Variants in CEP57L1 observed in about 807,000 individuals in gnomAD.
CEP57L1 encodes the protein centrosomal protein 57 like 1.
In CEP57L1, 37 loss-of-function variants were observed where a neutral mutation model predicts 61.0. The observed-to-expected ratio is 0.61, with a 90% CI of 0.47 to 0.80. CEP57L1 has a LOEUF of 0.80. Among genes scored for constraint, CEP57L1 ranks in the 30% least tolerant of loss-of-function variants. CEP57L1 has a pLI of 0.00. For synonymous variants in CEP57L1, 137 were observed against 162.3 expected, an observed-to-expected ratio of 0.84 and a Z score of 1.19; for missense variants, 422 against 524.7, an observed-to-expected ratio of 0.80 and a Z score of 1.91.
chr6:109,097,186 A>C (rs947297849), intron 1 of CEP57L1, among the ~76,000 whole-genome samples: 4 of 152,172 alleles, frequency 2.6e-5, no homozygotes, highest in African/African-American at 9.7e-5. Flanking sequence ...ATTATTATGA[A>C]GTTCTGCCAA....
At chr6:109,097,596 C>A (rs1226483722) in intron 1 of CEP57L1, among the ~76,000 whole-genome samples, 1 of 152,144 alleles carries the variant, frequency 6.6e-6, no homozygotes, top group East Asian at 1.9e-4. Context: ...GAAGATACAG[C>A]ATTGACCACA....
At chr6:109,155,942 T>A (rs1415525950) in intron 7 of CEP57L1, 65 bp downstream of exon 7, 1 of 710,404 alleles carries the variant, frequency 1.4e-6, no homozygotes, top group African/African-American at 1.9e-5. Context: ...AACCTCTTAA[T>A]CCTTATACCT....
intron 1 of CEP57L1, among the ~76,000 whole-genome samples, chr6:109,099,838 G>A (rs1416647758): frequency 1.3e-5 from 2 of 152,076 alleles, no homozygotes; most frequent in African/African-American, 4.8e-5. Flanking sequence ...GTGAGCCACC[G>A]TGCCCAACAA....
At chr6:109,130,224 C>T (rs756067367) in intron 1 of CEP57L1, among the ~76,000 whole-genome samples, 1 of 152,176 alleles carries the variant, frequency 6.6e-6, no homozygotes, top group South Asian at 2.1e-4. Flanking sequence ...CACTCCCCCC[C>T]AGCAACCACC....
intron 1 of CEP57L1, among the ~76,000 whole-genome samples, chr6:109,136,816 C>T (rs974120894): frequency 6.6e-5 from 10 of 151,624 alleles, no homozygotes; most frequent in African/African-American, 2.4e-4. Context: ...AGTGCAGTGG[C>T]ACAATCTCGG....
intron 1 of CEP57L1, among the ~76,000 whole-genome samples, chr6:109,101,958 T>G (rs1197903519): frequency 6.6e-6 from 1 of 152,186 alleles, no homozygotes; most frequent in Admixed American, 6.5e-5. Flanking sequence ...ATTTTCTATT[T>G]CCCACCAATG....
At chr6:109,140,235 A>G (rs116381953) in intron 1 of CEP57L1, among the ~76,000 whole-genome samples, 6,335 of 148,888 alleles carry the variant, frequency 0.043, 149 homozygotes, top group Non-Finnish European at 0.049. Flanking sequence ...TGGGATTACA[A>G]GCACTTGCCA....
chr6:109,134,030 GA>G (rs1774511924), intron 1 of CEP57L1, among the ~76,000 whole-genome samples: 2 of 152,094 alleles, frequency 1.3e-5, no homozygotes, highest in Non-Finnish European at 2.9e-5. Context: ...CCAATCAATA[GA>G]AAAACAGGGA....
intron 1 of CEP57L1, among the ~76,000 whole-genome samples, chr6:109,107,585 G>T (rs989212965): frequency 2.0e-5 from 3 of 152,092 alleles, no homozygotes; most frequent in African/African-American, 7.2e-5. Flanking sequence ...TCACAGAGAA[G>T]ACAAAACTTA....
intron 10 of CEP57L1, 49 bp from the exon 11 acceptor site, chr6:109,162,700 A>G (rs761331357): frequency 1.1e-5 from 13 of 1,196,540 alleles, no homozygotes; most frequent in East Asian, 5.1e-5. Flanking sequence ...TTTGGAATAT[A>G]TTTTTAGTAT....
At chr6:109,161,497 T>A (rs932442816) in intron 10 of CEP57L1, among the ~76,000 whole-genome samples, 1 of 152,086 alleles carries the variant, frequency 6.6e-6, no homozygotes, top group African/African-American at 2.4e-5. Flanking sequence ...ATGTCACAAA[T>A]AAGCCTCCCC....
At position 109,169,118 on chromosome 6, in the gene CEP57L1, C is replaced by G. The variant is rs1047149289; in HGVS notation, c.*6148C>G. Among the ~76,000 whole-genome samples the G allele has an allele frequency of 6.7e-6, 1 of 149,210 alleles. No individual in the cohort carries two copies. Among genetic ancestry groups the G allele is most frequent in the Non-Finnish European group, 1.5e-5 (1 of 67,530 alleles). ...GTATGTGCCTGTAATCCCGGGTACT[C>G]GGGAGGCTAAGGCCAGAGGATTGCT... On this transcript the variant is annotated 3_prime_UTR_variant, in exon 11 of 11. Transcript: ENST00000517392.
In CEP57L1 at chr6:109,149,039, G is replaced by A. The variant is rs562947940; in HGVS notation, c.341-1079G>A. ...TATTAGCCCTTTGTCAGATGAATAG[G>A]TTGCAAAAATTTTCTCCCATTCTGT... On this transcript the variant is annotated intron_variant, in intron 3 of 10. Transcript: ENST00000517392. Among the ~76,000 whole-genome samples the A allele has an allele frequency of 1.0e-3, 157 of 152,182 alleles. No homozygotes were observed. In the East Asian group the frequency reaches 0.018, roughly 18 times the overall value.
Position 109,163,674 on chromosome 6 carries a change from A to G in CEP57L1, c.*704A>G, listed in dbSNP as rs890511989. The G allele has an allele frequency of 2.0e-5, 3 of 151,996 alleles. No individual in the cohort carries two copies. The highest frequency in any genetic ancestry group is 4.8e-5 in the African/African-American group (2 of 41,390). The allele number at this position is 151,996 out of a possible 1,614,324, so 9.4% of individuals were successfully genotyped here. On this transcript the variant is annotated 3_prime_UTR_variant, in exon 11 of 11. Transcript: ENST00000517392. ...TGCTGACTTTTATTCTTTGCATTGT[A>G]TGTAATGTCCATCAGTATAAATTGA...
At chr6:109,151,600 A>G (rs1468276353) in intron 4 of CEP57L1, among the ~76,000 whole-genome samples, 1 of 152,202 alleles carries the variant, frequency 6.6e-6, no homozygotes, top group Admixed American at 6.5e-5. Context: ...AAACAAAAAT[A>G]TGTATTTTTT....
intron 1 of CEP57L1, among the ~76,000 whole-genome samples, chr6:109,122,110 C>T (rs1052726195): frequency 6.6e-6 from 1 of 152,130 alleles, no homozygotes; most frequent in African/African-American, 2.4e-5. Context: ...ATTTGCATTT[C>T]GCTCTGCCAG....
At chr6:109,133,914 T>C (rs1774497162) in intron 1 of CEP57L1, among the ~76,000 whole-genome samples, 1 of 152,168 alleles carries the variant, frequency 6.6e-6, no homozygotes, top group African/African-American at 2.4e-5. Context: ...ATTGAGGCAA[T>C]AATTAATAGC....
rs1292363042 is a variant in CEP57L1, at chr6:109,166,789, AAT to A, written c.*3820_*3821del. Among the ~76,000 whole-genome samples, 1 of 152,190 alleles carries A rather than the reference AAT, an allele frequency of 6.6e-6. No individual in the cohort carries two copies. Among genetic ancestry groups the A allele is most frequent in the African/African-American group, 2.4e-5 (1 of 41,456 alleles). On this transcript the variant is annotated 3_prime_UTR_variant, in exon 11 of 11. Coordinates refer to ENST00000517392, the MANE Select transcript of CEP57L1 (RefSeq NM_001271852.3). ...GGGAAGAGGCCAGTTGGTTATGCAC[AAT>A]GGAAGGAGTGCATTGTGGACAGAAA...
At position 109,169,893 on chromosome 6, in the gene CEP57L1, C is replaced by T. The variant is rs1439207039; in HGVS notation, c.*6923C>T. ...ATGAAAATTAAAAACCTGATAATAC[C>T]ACCAATGTAGTACTCTTTAAAAACA... On this transcript the variant is annotated 3_prime_UTR_variant, in exon 11 of 11. Transcript: ENST00000517392. Among the ~76,000 whole-genome samples the T allele has an allele frequency of 6.6e-6, 1 of 152,148 alleles. No individual in the cohort carries two copies. Among genetic ancestry groups the T allele is most frequent in the East Asian group, 1.9e-4 (1 of 5,188 alleles).
Sources: allele counts gnomAD v4.1 joint callset (sites outside exome capture counted in the v4.1 genomes callset), GRCh38; gene constraint gnomAD v4.1.1; transcripts MANE v1.5; gene names NCBI Gene and HGNC (gene_info 2026-07-23, HGNC 2026-07-21).